SNX29: variants seen among roughly 807,000 people sequenced by gnomAD.
The protein encoded by SNX29 is sorting nexin-29.
A neutral mutation model predicts 102.1 loss-of-function variants in SNX29; 78 were observed. That is an observed-to-expected ratio of 0.76 (90% CI 0.64 to 0.92). The LOEUF (loss-of-function observed/expected upper bound fraction) is 0.92. Among genes scored for constraint, SNX29 ranks in the 40% least tolerant of loss-of-function variants. The pLI is 0.00. For synonymous variants in SNX29, 580 were observed against 414.5 expected (o/e 1.40, Z -4.85); for missense variants, 1,280 against 1,061.7 (o/e 1.21, Z -2.86).
intron 16 of SNX29, among the ~76,000 whole-genome samples, chr16:12,376,930 G>T (rs1336974651): frequency 2.6e-5 from 4 of 152,028 alleles, no homozygotes; most frequent in Admixed American, 2.6e-4. Context: ...TGGGGAACTT[G>T]GTTTCTGTGA....
In SNX29 at chr16:12,570,342, T is replaced by A; in HGVS notation, c.*1713T>A. On this transcript the variant is annotated 3_prime_UTR_variant, in exon 21 of 21. Coordinates refer to ENST00000566228, the MANE Select transcript of SNX29 (RefSeq NM_032167.5). Reference sequence around the variant, plus strand: ...AAAGGCAACTTGGTCTCCCTCCCACTCACCTGCCAACATTGCTGCAATACA... The same window carrying A: ...AAAGGCAACTTGGTCTCCCTCCCACACACCTGCCAACATTGCTGCAATACA... 1.5e-6 allele frequency: 1 copy of A among 687,718 alleles called. No individual in the cohort carries two copies. Among genetic ancestry groups the A allele is most frequent in the Non-Finnish European group, 1.9e-6 (1 of 534,028 alleles). The allele number at this position is 687,718 out of a possible 1,614,324, so 42.6% of individuals were successfully genotyped here.
chr16:12,155,744 G>T (rs569680097), intron 13 of SNX29, among the ~76,000 whole-genome samples: 2 of 152,298 alleles, frequency 1.3e-5, no homozygotes, highest in South Asian at 4.1e-4. Context: ...ACCTTCTGCA[G>T]TTCATCCTCC....
intron 15 of SNX29, among the ~76,000 whole-genome samples, chr16:12,285,357 A>G (rs2079561221): frequency 6.6e-6 from 1 of 152,102 alleles, no homozygotes; most frequent in Non-Finnish European, 1.5e-5. Flanking sequence ...ACTCCCTTCC[A>G]TATGGCAGGG....
At chr16:11,988,611 G>T (rs2055724455) in intron 1 of SNX29, among the ~76,000 whole-genome samples, 2 of 152,260 alleles carry the variant, frequency 1.3e-5, no homozygotes, top group South Asian at 4.1e-4. Context: ...TATTGCCCAG[G>T]CTGGTCTCAA....
intron 14 of SNX29, among the ~76,000 whole-genome samples, chr16:12,205,058 C>A (rs2077010991): frequency 6.6e-6 from 1 of 152,208 alleles, no homozygotes; most frequent in Non-Finnish European, 1.5e-5. Flanking sequence ...CCCCGGCCTT[C>A]CAAAGAATGG....
At chr16:12,477,677 A>G (rs749227210) in intron 18 of SNX29, 42 bp from the exon 19 acceptor site, 2 of 1,599,594 alleles carry the variant, frequency 1.3e-6, no homozygotes, top group Admixed American at 1.8e-5. Flanking sequence ...CTCCTTTATA[A>G]TAAGGGTTTA....
intron 16 of SNX29, among the ~76,000 whole-genome samples, chr16:12,364,329 C>T (rs952959732): frequency 1.3e-5 from 2 of 152,048 alleles, no homozygotes; most frequent in Admixed American, 6.6e-5. Flanking sequence ...GTGTGAGCCA[C>T]CAAACTTGGC....
chr16:12,542,232 C>A (rs1042941817), intron 20 of SNX29, among the ~76,000 whole-genome samples: 1 of 150,560 alleles, frequency 6.6e-6, no homozygotes. Context: ...AGGGATAGGA[C>A]CTAGTGTTAT....
intron 20 of SNX29, among the ~76,000 whole-genome samples, chr16:12,553,845 C>T (rs922365167): frequency 9.2e-5 from 14 of 152,016 alleles, no homozygotes; most frequent in South Asian, 4.2e-4. Context: ...CTAGGTCTAC[C>T]GAAAGTGCTG....
chr16:12,205,376 C>T (rs912304342), intron 14 of SNX29, among the ~76,000 whole-genome samples: 5 of 152,206 alleles, frequency 3.3e-5, no homozygotes, highest in African/African-American at 7.2e-5. Flanking sequence ...CTCATAAATC[C>T]CGTCACTCTG....
At chr16:12,367,491 T>C (rs1411841489) in intron 16 of SNX29, 1 of 152,162 alleles carries the variant, frequency 6.6e-6, no homozygotes, top group Non-Finnish European at 1.5e-5. Flanking sequence ...GAAAGATGAG[T>C]AATTTCATAT....
intron 20 of SNX29, among the ~76,000 whole-genome samples, chr16:12,538,170 C>T (rs1333535999): frequency 2.0e-5 from 3 of 152,100 alleles, no homozygotes; most frequent in Non-Finnish European, 2.9e-5. Context: ...GAATAGAGTG[C>T]AGTGGTGTGA....
At chr16:12,332,004 G>A (rs2081304237) in intron 15 of SNX29, among the ~76,000 whole-genome samples, 1 of 152,096 alleles carries the variant, frequency 6.6e-6, no homozygotes, top group Admixed American at 6.5e-5. Context: ...AGCCTGCAGT[G>A]AGCCAAGATC....
intron 20 of SNX29, among the ~76,000 whole-genome samples, chr16:12,560,099 G>T (rs905783848): frequency 6.6e-6 from 1 of 151,784 alleles, no homozygotes; most frequent in Non-Finnish European, 1.5e-5. Flanking sequence ...ATCCACAAAG[G>T]ATGAGTTGAC....
chr16:12,286,058 G>A (rs1596761521), intron 15 of SNX29, among the ~76,000 whole-genome samples: 4 of 152,030 alleles, frequency 2.6e-5, no homozygotes, highest in African/African-American at 9.6e-5. Flanking sequence ...GGCCAGGCTA[G>A]TCTCAAACTC....
At chr16:12,467,375 C>A (rs911380109) in intron 18 of SNX29, among the ~76,000 whole-genome samples, 4 of 152,184 alleles carry the variant, frequency 2.6e-5, no homozygotes, top group Admixed American at 6.5e-5. Context: ...TCTCCTTTTC[C>A]TTTTCCAAAT....
chr16:12,101,831 T>C (rs377740922), intron 11 of SNX29, among the ~76,000 whole-genome samples: 1 of 152,298 alleles, frequency 6.6e-6, no homozygotes, highest in East Asian at 1.9e-4. Context: ...GCTTATTACA[T>C]AGGTATACTT....
At chr16:12,316,703 G>A (rs1466330022) in intron 15 of SNX29, among the ~76,000 whole-genome samples, 3 of 152,090 alleles carry the variant, frequency 2.0e-5, no homozygotes. Context: ...GCTTGGTTAG[G>A]GCAGGCACAC....
At chr16:12,562,699 G>A (rs141655830) in intron 20 of SNX29, among the ~76,000 whole-genome samples, 63 of 152,276 alleles carry the variant, frequency 4.1e-4, no homozygotes, top group Admixed American at 1.1e-3. Context: ...CTTTGGAGTC[G>A]AGATTGAAGC....
Sources: allele counts gnomAD v4.1 joint callset (sites outside exome capture counted in the v4.1 genomes callset), GRCh38; gene constraint gnomAD v4.1.1; transcripts MANE v1.5; gene names NCBI Gene and HGNC (gene_info 2026-07-23, HGNC 2026-07-21).